Variants in TPD52 observed in about 807,000 individuals in gnomAD.
TPD52 encodes prostate and colon associated protein.
TPD52 carries 17 observed loss-of-function variants against 31.3 expected under a neutral mutation model. The ratio of observed to expected loss-of-function variants is 0.54; its 90% CI spans 0.37 to 0.82. TPD52 has a LOEUF of 0.82. TPD52 is among the 40% of genes least tolerant of loss of function. The pLI, the probability that TPD52 is intolerant of heterozygous loss-of-function variation, is 0.00. For synonymous variants in TPD52, 83 were observed against 89.6 expected (o/e 0.93, Z 0.42); for missense variants, 212 against 240.1 (o/e 0.88, Z 0.77).
chr8:80,163,082 T>G (rs1408595112), intron 1 of TPD52, among the ~76,000 whole-genome samples: 1 of 152,156 alleles, frequency 6.6e-6, no homozygotes, highest in Non-Finnish European at 1.5e-5. Flanking sequence ...CTGAAAAAAT[T>G]AAAACAGAAT....
At chr8:80,038,325 C>T (rs1810058692) in intron 7 of TPD52, 90 bp from the exon 8 acceptor site, 3 of 1,352,018 alleles carry the variant, frequency 2.2e-6, no homozygotes, top group Admixed American at 3.8e-5. Flanking sequence ...CTTTCAAGAA[C>T]AAATACATCA....
downstream of TPD52, among the ~76,000 whole-genome samples, chr8:80,032,083 G>A (rs1809706250): frequency 6.6e-6 from 1 of 150,756 alleles, no homozygotes; most frequent in Non-Finnish European, 1.5e-5. Flanking sequence ...AACCCAGGAG[G>A]TGGAGGTTGC....
At chr8:80,154,414 T>G (rs938425040) in intron 1 of TPD52, among the ~76,000 whole-genome samples, 1 of 152,310 alleles carries the variant, frequency 6.6e-6, no homozygotes, top group East Asian at 1.9e-4. Flanking sequence ...GTGACAATAC[T>G]ACAGAGGTCT....
chr8:80,075,512 A>G (rs569109878), intron 1 of TPD52, among the ~76,000 whole-genome samples: 1 of 152,282 alleles, frequency 6.6e-6, no homozygotes, highest in East Asian at 1.9e-4. Flanking sequence ...TCAAGGTAAA[A>G]CACAGTATTT....
chr8:80,053,145 C>T (rs1811536396), intron 3 of TPD52, 137 bp downstream of exon 3: 1 of 953,822 alleles, frequency 1.0e-6, no homozygotes, highest in Non-Finnish European at 1.5e-6. Flanking sequence ...ACTTGAAAAT[C>T]AGAAAAAAAG....
intron 1 of TPD52, among the ~76,000 whole-genome samples, chr8:80,088,768 T>C (rs1816022172): frequency 6.6e-6 from 1 of 152,150 alleles, no homozygotes; most frequent in Non-Finnish European, 1.5e-5. Flanking sequence ...GAGGCCCTAA[T>C]CCAATAGGAC....
chr8:80,094,967 A>C (rs1233786974), intron 1 of TPD52, among the ~76,000 whole-genome samples: 1 of 152,154 alleles, frequency 6.6e-6, no homozygotes, highest in Non-Finnish European at 1.5e-5. Flanking sequence ...TGTCAGCAGG[A>C]GGAGAGATGC....
At chr8:80,059,222 G>A (rs972710458) in intron 2 of TPD52, among the ~76,000 whole-genome samples, 5 of 151,934 alleles carry the variant, frequency 3.3e-5, no homozygotes, top group Non-Finnish European at 5.9e-5. Flanking sequence ...GGCCAAAAAA[G>A]AAGTCACAAA....
intron 1 of TPD52, among the ~76,000 whole-genome samples, chr8:80,118,277 C>G (rs1808015344): frequency 6.6e-6 from 1 of 152,036 alleles, no homozygotes; most frequent in African/African-American, 2.4e-5. Context: ...AAAACTGGAC[C>G]CCTACCTCAA....
At chr8:80,056,635 C>T (rs1224424038) in intron 2 of TPD52, among the ~76,000 whole-genome samples, 1 of 151,954 alleles carries the variant, frequency 6.6e-6, no homozygotes, top group African/African-American at 2.4e-5. Flanking sequence ...TTGAGAAATG[C>T]AAATCAAAAC....
intron 1 of TPD52, among the ~76,000 whole-genome samples, chr8:80,135,086 G>A (rs1298038213): frequency 6.6e-6 from 1 of 152,114 alleles, no homozygotes; most frequent in Non-Finnish European, 1.5e-5. Context: ...TATTACAGAA[G>A]GGATGCACAC....
At chr8:80,057,090 C>G (rs1033416092) in intron 2 of TPD52, among the ~76,000 whole-genome samples, 1 of 152,144 alleles carries the variant, frequency 6.6e-6, no homozygotes, top group Non-Finnish European at 1.5e-5. Context: ...ATCACTTCAA[C>G]CTAGGAGGCA....
intron 2 of TPD52, 56 bp downstream of exon 2, chr8:80,064,422 A>G: frequency 2.2e-6 from 3 of 1,341,376 alleles, no homozygotes; most frequent in Non-Finnish European, 3.2e-6. Flanking sequence ...TTAGAATCAC[A>G]AATGACAGTA....
intron 1 of TPD52, among the ~76,000 whole-genome samples, chr8:80,140,122 TGC>T (rs200158299): frequency 2.0e-5 from 3 of 152,216 alleles, no homozygotes; most frequent in African/African-American, 4.8e-5. Context: ...GTTCGATGCC[TGC>T]ATAAATGCTT....
In TPD52 at chr8:80,042,667, T is replaced by TTTTTACA; in HGVS notation, c.456_457insTGTAAAA (p.Asn153CysfsTer8). On this transcript the variant is annotated frameshift_variant and splice_region_variant, in exon 7 of 8. Coordinates refer to ENST00000518937, the MANE Select transcript of TPD52 (RefSeq NM_001025253.3). LOFTEE classifies it high-confidence loss of function. Reference sequence around the variant, plus strand: ...TCAAATGATTTAAAAGTTGGGGAGTTTCTATGGAGAGAAAAGAAAAACAAA... The same window carrying TTTTTACA: ...TCAAATGATTTAAAAGTTGGGGAGTTTTTTACATCTATGGAGAGAAAAGAAAAACAAA... 6.2e-7 allele frequency: 1 copy of TTTTTACA among 1,610,978 alleles called. No individual in the cohort carries two copies. Among genetic ancestry groups the TTTTTACA allele is most frequent in the Non-Finnish European group, 8.5e-7 (1 of 1,178,920 alleles).
chr8:80,077,888 C>T (rs1234151932), intron 1 of TPD52, among the ~76,000 whole-genome samples: 1 of 152,192 alleles, frequency 6.6e-6, no homozygotes, highest in Non-Finnish European at 1.5e-5. Flanking sequence ...GGTGTTTTCA[C>T]ACTATGGGTT....
chr8:80,169,144 C>T (rs56364943), intron 1 of TPD52, among the ~76,000 whole-genome samples: 2,485 of 152,214 alleles, frequency 0.016, 26 homozygotes, highest in Non-Finnish European at 0.024. Context: ...GCCACCGCGC[C>T]GAGCTAATTT....
chr8:80,151,450 C>G (rs1332038094), intron 1 of TPD52, among the ~76,000 whole-genome samples: 1 of 152,138 alleles, frequency 6.6e-6, no homozygotes, highest in Non-Finnish European at 1.5e-5. Flanking sequence ...TTATGGGAGG[C>G]CACTGTTTTT....
intron 1 of TPD52, among the ~76,000 whole-genome samples, chr8:80,114,023 T>C (rs1807688156): frequency 6.6e-6 from 1 of 152,158 alleles, no homozygotes; most frequent in South Asian, 2.1e-4. Flanking sequence ...AGCAGGCAGA[T>C]CACTTGAGGC....
Sources: gnomAD v4.1 joint callset for allele counts (sites outside exome capture counted in the v4.1 genomes callset) on GRCh38, gnomAD v4.1.1 for gene constraint, MANE v1.5 for transcripts, NCBI Gene and HGNC (gene_info 2026-07-23, HGNC 2026-07-21) for gene names.